Variants in SRCIN1 observed in about 807,000 individuals in gnomAD.
The protein encoded by SRCIN1 is SRC kinase signaling inhibitor 1.
In SRCIN1, 50 loss-of-function variants were observed where a neutral mutation model predicts 116.2. The observed-to-expected ratio is 0.43, with a 90% CI of 0.34 to 0.54. SRCIN1 has a LOEUF of 0.54. Among genes scored for constraint, SRCIN1 ranks in the 20% least tolerant of loss-of-function variants. The pLI is 0.02. For synonymous variants in SRCIN1, 736 were observed against 750.0 expected (o/e 0.98, Z 0.30); for missense variants, 1,446 against 1,672.0 (o/e 0.86, Z 2.36).
chr17:38,569,416 G>C (rs1211368639), intron 2 of SRCIN1, among the ~76,000 whole-genome samples: 2 of 152,196 alleles, frequency 1.3e-5, no homozygotes, highest in Non-Finnish European at 2.9e-5. Flanking sequence ...AGAGGAGAGG[G>C]ACATCGAAGG....
rs550545360 is a variant in SRCIN1, at chr17:38,560,239, C to T, written c.1793+94G>A. On this transcript the variant is annotated intron_variant, in intron 8 of 18. Coordinates refer to ENST00000617146, the MANE Select transcript of SRCIN1 (RefSeq NM_025248.3). ...AGAAGGGAAGGGATTCACCCAGGGT[C>T]ACCCAGTGAGACACTGGCAGAGCCG... The T allele has an allele frequency of 1.6e-4, 234 of 1,434,646 alleles. 5 individuals carry two copies. The South Asian group carries it at 2.9e-3, about 18-fold the overall frequency. The allele number at this position is 1,434,646 out of a possible 1,614,324, so 88.9% of individuals were successfully genotyped here. A position where few individuals can be genotyped will look rare whatever the true frequency, so the allele number is the denominator to read the frequency against.
rs749549873 is a variant in SRCIN1, at chr17:38,533,400, G to A, written c.3449C>T (p.Ser1150Leu). Residue 1150 changes from serine to leucine, a missense_variant, in exon 19 of 19, where the codon TCG becomes TTG. Ser to Leu is a moderately radical substitution (Grantham distance 145). Transcript: ENST00000617146. ...ATKPSKEMSG[S>L]NETSSPVSEK... ...TGAGACTGGGCTCGAGGTCTCATTC[G>A]ACCCGCTCATCTCTTTAGATGGTTT... 8.7e-6 allele frequency: 14 copies of A among 1,612,770 alleles called. No individual in the cohort carries two copies. Among genetic ancestry groups the A allele is most frequent in the East Asian group, 2.2e-5 (1 of 44,816 alleles).
Position 38,551,386 on chromosome 17 carries a change from C to T in SRCIN1, c.2731G>A (p.Ala911Thr). ...SVDKAVSVEA[A>T]ERDWEEKRAA... The stretch of plus-strand genomic sequence containing the variant: ...CGCTTCTCCTCCCAGTCTCGCTCTG[C>T]AGCCTTAACAGGGAGCCAGGAGTCA... Residue 911 changes from alanine (A) to threonine (T), a missense_variant, in exon 15 of 19, where the codon GCA becomes ACA. Transcript: ENST00000617146. 1 of 1,603,676 alleles carries T rather than the reference C, an allele frequency of 6.2e-7. No homozygotes were observed. The highest frequency in any genetic ancestry group is 1.7e-5 in the Admixed American group (1 of 58,816).
At chr17:38,573,610 A>G (rs1907230007) in intron 2 of SRCIN1, among the ~76,000 whole-genome samples, 1 of 152,148 alleles carries the variant, frequency 6.6e-6, no homozygotes, top group Non-Finnish European at 1.5e-5. Flanking sequence ...AACTGAGCTC[A>G]CCCAGTCCAG....
intron 18 of SRCIN1, among the ~76,000 whole-genome samples, chr17:38,540,101 C>T (rs1904635078): frequency 6.6e-6 from 1 of 151,914 alleles, no homozygotes; most frequent in Non-Finnish European, 1.5e-5. Flanking sequence ...TTTCTTAGCC[C>T]TAATAGAAGA....
At position 38,568,505 on chromosome 17, in the gene SRCIN1, C is replaced by A. The variant is rs570888409; in HGVS notation, c.325-274G>T. On this transcript the variant is annotated intron_variant, in intron 2 of 18. Transcript: ENST00000617146. The surrounding 1 kb of genome is among the most constrained non-coding windows in gnomAD (Gnocchi z 4.5). ...AAAGGCACAGAGGATGGTGATAGAGCGAACCCATGAGGCAGTCACAAGAGA... is the reference window on the plus strand; with the variant it reads ...AAAGGCACAGAGGATGGTGATAGAGAGAACCCATGAGGCAGTCACAAGAGA... Among the ~76,000 whole-genome samples the A allele has an allele frequency of 3.9e-5, 6 of 152,136 alleles. No individual in the cohort carries two copies. Among genetic ancestry groups the A allele is most frequent in the East Asian group, 1.9e-4 (1 of 5,182 alleles).
rs1906392569 is a variant in SRCIN1 at position 38,563,095 on chromosome 17, C to A, written c.741-175G>T. On this transcript the variant is annotated intron_variant, in intron 5 of 18. Coordinates refer to ENST00000617146, the MANE Select transcript of SRCIN1 (RefSeq NM_025248.3). The surrounding 1 kb of genome is among the most constrained non-coding windows in gnomAD (Gnocchi z 5.8). ...ACCCCGGCCTCTTCCTGGCCTCCGG[C>A]GCCATTTTCAGGTTAGCTCAAAGCA... Among the ~76,000 whole-genome samples, 1 of 152,114 alleles carries A rather than the reference C, an allele frequency of 6.6e-6. No individual in the cohort carries two copies. Among genetic ancestry groups the A allele is most frequent in the Admixed American group, 6.5e-5 (1 of 15,276 alleles).
At chr17:38,588,901 A>G (rs1442149814) in intron 1 of SRCIN1, among the ~76,000 whole-genome samples, 1 of 152,150 alleles carries the variant, frequency 6.6e-6, no homozygotes, top group Non-Finnish European at 1.5e-5. Context: ...TCATGGGGAC[A>G]GGCTCTCCCT....
At position 38,561,978 on chromosome 17, in the gene SRCIN1, G is replaced by C; in HGVS notation, c.1185C>G (p.Leu395=). The C allele has an allele frequency of 6.7e-7, 1 of 1,491,818 alleles. No homozygotes were observed. Among genetic ancestry groups the C allele is most frequent in the Non-Finnish European group, 8.9e-7 (1 of 1,129,328 alleles). 92.4% of individuals were successfully genotyped at this position (1,491,818 alleles called of 1,614,324 possible). Residue 395 remains leucine, a synonymous_variant, in exon 7 of 19, where the codon CTC becomes CTG. Coordinates refer to ENST00000617146, the MANE Select transcript of SRCIN1 (RefSeq NM_025248.3). ...GGMVLVKGEG[L]YADPYGLLHE... ...GCAGCAGCCCGTAGGGGTCAGCATA[G>C]AGGCCCTCGCCTTTCACCAGCACCA...
Position 38,562,091 on chromosome 17 carries a change from C to T in SRCIN1, c.1072G>A (p.Ala358Thr), listed in dbSNP as rs1440574911. 2.1e-6 allele frequency: 3 copies of T among 1,439,658 alleles called. No individual in the cohort carries two copies. The highest frequency in any genetic ancestry group is 2.7e-6 in the Non-Finnish European group (3 of 1,102,746). The allele number at this position is 1,439,658 out of a possible 1,614,324, so 89.2% of individuals were successfully genotyped here. A position where few individuals can be genotyped will look rare whatever the true frequency, so the allele number is the denominator to read the frequency against. The change falls in exon 7 of 19, where the codon GCC becomes ACC. Residue 358 changes from alanine to threonine, a missense_variant. Ala to Thr is a moderately conservative substitution (Grantham distance 58). Around this residue, in one of 5 missense-constraint regions of SRCIN1, gnomAD observed 239 missense variants for 317.7 expected, o/e 0.75. Coordinates refer to ENST00000617146, the MANE Select transcript of SRCIN1 (RefSeq NM_025248.3). This position sits in a 1 kb window ranked among gnomAD's most constrained non-coding sequence, Gnocchi z 4.2. ...AAERLGGAPA[A>T]QGVSPSPSAI... The stretch of plus-strand genomic sequence containing the variant: ...CTGGGGCTGGGGCTGACGCCCTGGG[C>T]GGCCGGGGCGCCTCCCAGCCTCTCG...
At chr17:38,582,520 C>T (rs1175529382) in intron 1 of SRCIN1, among the ~76,000 whole-genome samples, 1 of 152,222 alleles carries the variant, frequency 6.6e-6, no homozygotes, top group African/African-American at 2.4e-5. Flanking sequence ...GCAGGGACTA[C>T]CCCTCACTGC....
chr17:38,560,978 G>C (rs937112938), intron 7 of SRCIN1, among the ~76,000 whole-genome samples: 2 of 152,264 alleles, frequency 1.3e-5, no homozygotes, highest in South Asian at 4.1e-4. Context: ...AGGGGACTGA[G>C]CGATGGGCAG....
At position 38,551,211 on chromosome 17, in the gene SRCIN1, G is replaced by A. The variant is rs749601060; in HGVS notation, c.2906C>T (p.Ala969Val). 6.2e-7 allele frequency: 1 copy of A among 1,603,328 alleles called. No homozygotes were observed. The highest frequency in any genetic ancestry group is 8.5e-7 in the Non-Finnish European group (1 of 1,174,316). Reference sequence around the variant, plus strand: ...GGGGGCTGCCTTCTGGCCGTGGGGGGCCTTGGGGGGCTTGTGATCTGGAGT... The same window carrying A: ...GGGGGCTGCCTTCTGGCCGTGGGGGACCTTGGGGGGCTTGTGATCTGGAGT... ...APTPDHKPPKAPHGQKAAPRT... is the reference protein window; with the variant it reads ...APTPDHKPPKVPHGQKAAPRT... Residue 969 changes from alanine (A) to valine (V), a missense_variant, in exon 15 of 19, where the codon GCC becomes GTC. By Grantham distance (64) the Ala-to-Val change is moderately conservative (BLOSUM62 0). Transcript: ENST00000617146.
At position 38,563,473 on chromosome 17, in the gene SRCIN1, G is replaced by T; in HGVS notation, c.590C>A (p.Thr197Lys). 6.4e-7 allele frequency: 1 copy of T among 1,556,188 alleles called. No homozygotes were observed. Among genetic ancestry groups the T allele is most frequent in the Non-Finnish European group, 8.7e-7 (1 of 1,149,512 alleles). Residue 197 changes from threonine (T) to lysine (K), a missense_variant, in exon 5 of 19, where the codon ACG (threonine) becomes AAG (lysine). Thr to Lys is a moderately conservative substitution (Grantham distance 78, BLOSUM62 -1). Around this residue, in one of 5 missense-constraint regions of SRCIN1, gnomAD observed 32 missense variants for 69.7 expected, o/e 0.46. Coordinates refer to ENST00000617146, the MANE Select transcript of SRCIN1 (RefSeq NM_025248.3). The surrounding 1 kb of genome is among the most constrained non-coding windows in gnomAD (Gnocchi z 5.8). ...CGTGTCCAGGCTGCTGACCTCGTGC[G>T]TGATGTGCACGCGCCGAGTCTCCTC... ...FGEETRRVHITHEVSSLDTLH... is the reference protein window; with the variant it reads ...FGEETRRVHIKHEVSSLDTLH...
rs1240957128 is a variant in SRCIN1, at chr17:38,544,974, C to T, written c.3271-1005G>A. On this transcript the variant is annotated intron_variant, in intron 17 of 18. Coordinates refer to ENST00000617146, the MANE Select transcript of SRCIN1 (RefSeq NM_025248.3). This position sits in a 1 kb window ranked among gnomAD's most constrained non-coding sequence, Gnocchi z 4.5. ...TGGCTTCCAGCTCCCGGAGCGTCTC[C>T]TCCAAGCTGTCCATCTGCTGGGCAG... is the stretch of plus-strand genomic sequence containing the variant. The T allele has an allele frequency of 6.5e-6, 1 of 152,678 alleles. No individual in the cohort carries two copies. The highest frequency in any genetic ancestry group is 1.5e-5 in the Non-Finnish European group (1 of 68,104). 9.5% of individuals were successfully genotyped at this position (152,678 alleles called of 1,614,324 possible). A position where few individuals can be genotyped will look rare whatever the true frequency, so the allele number is the denominator to read the frequency against.
At position 38,552,950 on chromosome 17, in the gene SRCIN1, T is replaced by C; in HGVS notation, c.2202-95A>G. On this transcript the variant is annotated intron_variant, in intron 11 of 18. Transcript: ENST00000617146. The surrounding 1 kb of genome is among the most constrained non-coding windows in gnomAD (Gnocchi z 5.3). ...AACTGGAAAGAAATCAGGCCACCAG[T>C]TGGATCGAAAGTAAAAGCAGGAGGC... 2.0e-6 allele frequency: 3 copies of C among 1,528,376 alleles called. No homozygotes were observed. Among genetic ancestry groups the C allele is most frequent in the Non-Finnish European group, 1.8e-6 (2 of 1,138,412 alleles). The allele number at this position is 1,528,376 out of a possible 1,614,324, so 94.7% of individuals were successfully genotyped here.
chr17:38,549,111 G>A lies in SRCIN1; in HGVS notation c.3062C>T (p.Thr1021Ile). Residue 1021 changes from threonine (T) to isoleucine (I), a missense_variant, in exon 16 of 19, where the codon ACC becomes ATC. By Grantham distance (89) the Thr-to-Ile change is moderately conservative. This residue lies in a region of SRCIN1 where 531 missense variants were observed against 633.9 expected (regional missense o/e 0.84). Coordinates refer to ENST00000617146, the MANE Select transcript of SRCIN1 (RefSeq NM_025248.3). ...RSFPSSHGLT[T>I]TRTGEVVVTS... ...GACCACCACCTCTCCGGTACGTGTG[G>A]TGGTCAGGCCATGGGAGGAGGGGAA... 1 of 1,611,906 alleles carries A rather than the reference G, an allele frequency of 6.2e-7. No individual in the cohort carries two copies.
rs868301783 is a variant in SRCIN1 at position 38,568,569 on chromosome 17, C to T, written c.325-338G>A. On this transcript the variant is annotated intron_variant, in intron 2 of 18. Coordinates refer to ENST00000617146, the MANE Select transcript of SRCIN1 (RefSeq NM_025248.3). The surrounding 1 kb of genome is among the most constrained non-coding windows in gnomAD (Gnocchi z 4.5). Reference sequence around the variant, plus strand: ...CTGAGCTGTGGGGTCAGAGAAATGGCAGGCCAGGGAACAGTGCTTGGAAGA... The same window carrying T: ...CTGAGCTGTGGGGTCAGAGAAATGGTAGGCCAGGGAACAGTGCTTGGAAGA... Among the ~76,000 whole-genome samples the T allele has an allele frequency of 2.0e-5, 3 of 152,178 alleles. No homozygotes were observed. The highest frequency in any genetic ancestry group is 7.2e-5 in the African/African-American group (3 of 41,442).
rs1315512154 is a variant in SRCIN1 at position 38,537,996 on chromosome 17, A to G, written c.3418-4565T>C. Among the ~76,000 whole-genome samples the G allele has an allele frequency of 2.6e-5, 4 of 151,724 alleles. No individual in the cohort carries two copies. The East Asian group carries it at 7.7e-4, about 29-fold the overall frequency. ...GCACCTGTAATCCCAGCTACTCGGG[A>G]GGCTGAGGCAGGAGAACTGCTTGAA... On this transcript the variant is annotated intron_variant, in intron 18 of 18. Transcript: ENST00000617146.
Sources: allele counts gnomAD v4.1 joint callset (sites outside exome capture counted in the v4.1 genomes callset), GRCh38; gene constraint gnomAD v4.1.1; regional missense constraint gnomAD v4.1.1; non-coding constraint Gnocchi (gnomAD v3.1); transcripts MANE v1.5; gene names NCBI Gene and HGNC (gene_info 2026-07-23, HGNC 2026-07-21).